Variants in ATP10B observed in about 807,000 individuals in gnomAD.
ATP10B encodes phospholipid-transporting ATPase VB.
Under a neutral mutation model 141.2 loss-of-function variants are expected in ATP10B, and 122 were observed. The ratio of observed to expected loss-of-function variants is 0.86; its 90% CI spans 0.75 to 1.00. The LOEUF (loss-of-function observed/expected upper bound fraction) is 1.00. ATP10B is among the 50% of genes least tolerant of loss of function. The pLI is 0.00. For synonymous variants in ATP10B, 685 were observed against 692.0 expected (o/e 0.99, Z 0.16); for missense variants, 1,876 against 1,825.3 (o/e 1.03, Z -0.51).
the ATP10B span, among the ~76,000 whole-genome samples, chr5:160,896,409 TA>T: frequency 1.0e-3 from 152 of 152,214 alleles, no homozygotes; most frequent in African/African-American, 3.6e-3. Context: ...GAGAATACTA[TA>T]AACACCTCTA....
chr5:160,882,448 A>G, the ATP10B span, among the ~76,000 whole-genome samples: 1 of 152,088 alleles, frequency 6.6e-6, no homozygotes, highest in Non-Finnish European at 1.5e-5. Flanking sequence ...TAAATTTAAA[A>G]ATTTTATTTT....
At chr5:160,921,357 T>C in the ATP10B span, among the ~76,000 whole-genome samples, 4 of 152,282 alleles carry the variant, frequency 2.6e-5, no homozygotes, top group South Asian at 4.1e-4. Flanking sequence ...TTTATTGTGG[T>C]AAAATATATA....
chr5:160,746,460 T>C (rs892303067), intron 2 of ATP10B, among the ~76,000 whole-genome samples: 1 of 151,924 alleles, frequency 6.6e-6, no homozygotes, highest in African/African-American at 2.4e-5. Flanking sequence ...GGTGTGATCT[T>C]GGCTCACTGC....
At chr5:160,772,737 A>G (rs990548210) in intron 2 of ATP10B, among the ~76,000 whole-genome samples, 1 of 152,170 alleles carries the variant, frequency 6.6e-6, no homozygotes, top group African/African-American at 2.4e-5. Flanking sequence ...TATGCTGCCC[A>G]TTTCCTACTG....
chr5:160,684,709 C>T (rs1056843909), intron 6 of ATP10B: 4 of 586,564 alleles, frequency 6.8e-6, no homozygotes, highest in African/African-American at 5.6e-5. Context: ...GAGAACTGAA[C>T]AGCTTCCCTG....
chr5:160,692,286 T>C (rs1764119264), intron 3 of ATP10B, among the ~76,000 whole-genome samples: 1 of 152,182 alleles, frequency 6.6e-6, no homozygotes, highest in African/African-American at 2.4e-5. Context: ...TTTCAAAGTA[T>C]CCTCCCCCAA....
intron 1 of ATP10B, among the ~76,000 whole-genome samples, chr5:160,826,973 C>T (rs1581610486): frequency 6.6e-6 from 1 of 152,186 alleles, no homozygotes; most frequent in Non-Finnish European, 1.5e-5. Flanking sequence ...TGAACACAGA[C>T]CCTTATCAGA....
At chr5:160,891,630 G>T in the ATP10B span, among the ~76,000 whole-genome samples, 2 of 152,050 alleles carry the variant, frequency 1.3e-5, no homozygotes, top group African/African-American at 2.4e-5. Flanking sequence ...TAGAGATGGG[G>T]TTTCACCATG....
chr5:160,900,970 T>A, the ATP10B span, among the ~76,000 whole-genome samples: 5 of 135,244 alleles, frequency 3.7e-5, no homozygotes, highest in Non-Finnish European at 6.2e-5. Flanking sequence ...GACTAGCAGG[T>A]GGCGCCTCAT....
chr5:160,634,073 C>T (rs1487458790), intron 12 of ATP10B: 1 of 495,034 alleles, frequency 2.0e-6, no homozygotes, highest in African/African-American at 1.9e-5. Flanking sequence ...AGATAAAAAA[C>T]TCGTCTCATA....
At chr5:160,622,300 G>T in intron 14 of ATP10B, 94 bp downstream of exon 14, 1 of 1,304,488 alleles carries the variant, frequency 7.7e-7, no homozygotes, top group Non-Finnish European at 1.0e-6. Flanking sequence ...CAAATTTCAT[G>T]TCTCCCTGAT....
intron 7 of ATP10B, among the ~76,000 whole-genome samples, chr5:160,653,614 CATATATATTATATATACATATATACAT>C (rs1561705252): frequency 3.4e-4 from 8 of 23,830 alleles, no homozygotes; most frequent in South Asian, 1.2e-3. Flanking sequence ...TACATATATA[CATATATATTATATATACATATATACAT>C]ATATATTATA....
At chr5:160,694,297 C>T (rs572731553) in intron 3 of ATP10B, among the ~76,000 whole-genome samples, 1 of 152,264 alleles carries the variant, frequency 6.6e-6, no homozygotes, top group East Asian at 1.9e-4. Context: ...GTGGGGCACA[C>T]CTGAAGAACT....
rs374767044 is a variant in ATP10B at position 160,657,986 on chromosome 5, A to G, written c.676-8730T>C. Among the ~76,000 whole-genome samples the G allele has an allele frequency of 5.6e-4, 86 of 152,376 alleles. 1 individual carries two copies. Among genetic ancestry groups the G allele is most frequent in the African/African-American group, 2.0e-3 (85 of 41,592 alleles). ...CTGTACAAATTCTTTCTTGCTGTGG[A>G]TAACTGAAACACAAGAAGATGATAT... On this transcript the variant is annotated intron_variant, in intron 7 of 25. Transcript: ENST00000327245.
intron 2 of ATP10B, among the ~76,000 whole-genome samples, chr5:160,735,882 C>T (rs1767083364): frequency 6.6e-6 from 1 of 151,976 alleles, no homozygotes; most frequent in African/African-American, 2.4e-5. Flanking sequence ...ACAATGTGCT[C>T]CTGAATGACC....
At chr5:160,573,819 A>G (rs1755025852) in intron 24 of ATP10B, among the ~76,000 whole-genome samples, 1 of 152,182 alleles carries the variant, frequency 6.6e-6, no homozygotes, top group African/African-American at 2.4e-5. Context: ...ACATAGCTCT[A>G]GTAGGTTCAT....
intron 24 of ATP10B, among the ~76,000 whole-genome samples, chr5:160,576,451 T>C (rs1481809033): frequency 6.6e-6 from 1 of 152,174 alleles, no homozygotes; most frequent in East Asian, 1.9e-4. Flanking sequence ...AATCTGGCCA[T>C]GAGCCTAAGC....
intron 2 of ATP10B, among the ~76,000 whole-genome samples, chr5:160,726,683 A>AGGAGGAGGAAGGAGTAGGGGGGGG (rs1766388159): frequency 1.6e-5 from 2 of 127,556 alleles, no homozygotes; most frequent in African/African-American, 5.9e-5. Flanking sequence ...GTAGGGGGGG[A>AGGAGGAGGAAGGAGTAGGGGGGGG]GGAGGAGGAG....
chr5:160,828,707 G>GT (rs1413498000), intron 1 of ATP10B, among the ~76,000 whole-genome samples: 1 of 151,868 alleles, frequency 6.6e-6, no homozygotes, highest in Non-Finnish European at 1.5e-5. Flanking sequence ...CCATTACTGG[G>GT]TATGTACCCA....
Sources: allele counts gnomAD v4.1 joint callset (sites outside exome capture counted in the v4.1 genomes callset), GRCh38; gene constraint gnomAD v4.1.1; transcripts MANE v1.5; gene names NCBI Gene and HGNC (gene_info 2026-07-23, HGNC 2026-07-21).